TRIM42: variants seen among roughly 807,000 people sequenced by gnomAD.
TRIM42 encodes tripartite motif-containing protein 42.
A neutral mutation model predicts 64.9 loss-of-function variants in TRIM42; 59 were observed. The ratio of observed to expected loss-of-function variants is 0.91; its 90% CI spans 0.74 to 1.13. TRIM42 has a LOEUF of 1.13. Among genes scored for constraint, TRIM42 ranks in the 50% most tolerant of loss-of-function variants. The probability of loss-of-function intolerance (pLI) is 0.00; values close to 1 mark genes in which losing one functional copy is unlikely to be tolerated. For missense variants in TRIM42, 878 were observed against 929.5 expected (o/e 0.94, Z 0.72); for synonymous variants, 354 against 346.3 (o/e 1.02, Z -0.25).
At chr3:140,686,181 C>G (rs1559936798) in intron 2 of TRIM42, among the ~76,000 whole-genome samples, 1 of 152,142 alleles carries the variant, frequency 6.6e-6, no homozygotes, top group Non-Finnish European at 1.5e-5. Context: ...AATTTCCTAT[C>G]CAAGTATCTT....
intron 2 of TRIM42, among the ~76,000 whole-genome samples, chr3:140,684,260 G>A (rs1001928772): frequency 6.6e-6 from 1 of 152,188 alleles, no homozygotes; most frequent in African/African-American, 2.4e-5. Flanking sequence ...TGACTCCAGT[G>A]CCTATCATTA....
chr3:140,700,744 C>T, intron 4 of TRIM42, 144 bp from the exon 5 acceptor site: 2 of 650,948 alleles, frequency 3.1e-6, no homozygotes, highest in Non-Finnish European at 5.3e-6. Flanking sequence ...TCAGCTTCTT[C>T]ATCTATAAAG....
At chr3:140,682,401 G>C in intron 1 of TRIM42, 61 bp from the exon 2 acceptor site, 1 of 1,515,038 alleles carries the variant, frequency 6.6e-7, no homozygotes, top group South Asian at 1.2e-5. Flanking sequence ...TTCAGAGGTA[G>C]AGAAGCAGAG....
rs1559935354 is a variant in TRIM42 at position 140,682,511 on chromosome 3, G to A, written c.391G>A (p.Val131Ile). 1.2e-6 allele frequency: 2 copies of A among 1,614,228 alleles called. No homozygotes were observed. The highest frequency in any genetic ancestry group is 1.7e-6 in the Non-Finnish European group (2 of 1,180,052). Residue 131 changes from valine (V) to isoleucine (I), a missense_variant, in exon 2 of 5, where the codon GTA (valine) becomes ATA (isoleucine). Physicochemically the swap from Val to Ile is conservative, Grantham distance 29. Coordinates refer to ENST00000286349, the MANE Select transcript of TRIM42 (RefSeq NM_152616.5). ...TGSSDTQVDE[V>I]KSIPANSHLV... ...GAGCAGCGATACCCAGGTGGATGAA[G>A]TAAAGTCAATACCAGCCAACAGTCA...
At position 140,694,897 on chromosome 3, in the gene TRIM42, G is replaced by T. The variant is rs539267185; in HGVS notation, c.2085+3705G>T. Among the ~76,000 whole-genome samples, 3 of 152,236 alleles carry T rather than the reference G, an allele frequency of 2.0e-5. No individual in the cohort carries two copies. The East Asian group carries it at 5.8e-4, about 29-fold the overall frequency. ...TCCACCTCCATCTTCCACCTTGAAG[G>T]TCCCTTGTGACTGCTTTGAGCCCAC... On this transcript the variant is annotated intron_variant, in intron 4 of 4. Transcript: ENST00000286349.
chr3:140,700,893 A>G lies in TRIM42; in HGVS notation c.2091A>G (p.Val697=). 1 of 1,614,102 alleles carries G rather than the reference A, an allele frequency of 6.2e-7. No individual in the cohort carries two copies. The highest frequency in any genetic ancestry group is 8.5e-7 in the Non-Finnish European group (1 of 1,179,940). ...CTCTTCGCTTCTGATTGCAGGTGGT[A>G]ACACCAGATGGACATGGGAAGAACC... ...PGQWSDICKV[V]TPDGHGKNRA... The change falls in exon 5 of 5, where the codon GTA becomes GTG. Residue 697 remains valine, a synonymous_variant. Transcript: ENST00000286349.
At position 140,678,121 on chromosome 3, in the gene TRIM42, C is replaced by G. The variant is rs547629001; in HGVS notation, c.-109C>G. 9.8e-7 allele frequency: 1 copy of G among 1,017,346 alleles called. No homozygotes were observed. The highest frequency in any genetic ancestry group is 1.6e-5 in the African/African-American group (1 of 62,382). The allele number at this position is 1,017,346 out of a possible 1,614,324, so 63.0% of individuals were successfully genotyped here. A position where few individuals can be genotyped will look rare whatever the true frequency, so the allele number is the denominator to read the frequency against. On this transcript the variant is annotated 5_prime_UTR_variant, in exon 1 of 5. Transcript: ENST00000286349. Reference sequence around the variant, plus strand: ...CAACTTCTTGCAACTTTCAAGCTGACGGCCTCAGGAATGGGAGGAAGGACT... The same window carrying G: ...CAACTTCTTGCAACTTTCAAGCTGAGGGCCTCAGGAATGGGAGGAAGGACT...
chr3:140,682,502 G>T lies in TRIM42; in HGVS notation c.382G>T (p.Val128Leu), dbSNP rs1238856266. Residue 128 changes from valine to leucine, a missense_variant, in exon 2 of 5, where the codon GTG becomes TTG. Transcript: ENST00000286349. The stretch of plus-strand genomic sequence containing the variant: ...GCGCACTGGGAGCAGCGATACCCAG[G>T]TGGATGAAGTAAAGTCAATACCAGC... ...ALRTGSSDTQVDEVKSIPANS... is the reference protein window; with the variant it reads ...ALRTGSSDTQLDEVKSIPANS... The T allele has an allele frequency of 1.9e-6, 3 of 1,614,062 alleles. No individual in the cohort carries two copies. In the South Asian group the frequency reaches 3.3e-5, roughly 18 times the overall value.
Position 140,688,528 on chromosome 3 carries a change from C to G in TRIM42, c.1846C>G (p.Pro616Ala), listed in dbSNP as rs772533551. 5.6e-6 allele frequency: 9 copies of G among 1,606,986 alleles called. No homozygotes were observed. The highest frequency in any genetic ancestry group is 3.4e-5 in the Admixed American group (2 of 59,350). Residue 616 changes from proline to alanine, a missense_variant, in exon 3 of 5, where the codon CCA (proline) becomes GCA (alanine). Transcript: ENST00000286349. Reference sequence around the variant, plus strand: ...TGTTATCTACCAGACTCTGGTGTACCCAAGAGCTGCCAAGGTAAGAAAGGT... The same window carrying G: ...TGTTATCTACCAGACTCTGGTGTACGCAAGAGCTGCCAAGGTAAGAAAGGT... ...PIVIYQTLVYPRAAKVYWTCP... is the reference protein window; with the variant it reads ...PIVIYQTLVYARAAKVYWTCP...
At chr3:140,690,720 C>T (rs989993814) in intron 3 of TRIM42, among the ~76,000 whole-genome samples, 2 of 151,704 alleles carry the variant, frequency 1.3e-5, no homozygotes, top group African/African-American at 4.9e-5. Context: ...CAATTGTCAC[C>T]TCCATGTCGA....
At chr3:140,681,011 T>C (rs968889933) in intron 1 of TRIM42, among the ~76,000 whole-genome samples, 5 of 152,218 alleles carry the variant, frequency 3.3e-5, no homozygotes, top group Non-Finnish European at 5.9e-5. Flanking sequence ...TAGCAGCAAA[T>C]TGTGTGCCTT....
chr3:140,691,991 C>T (rs1473242651), intron 4 of TRIM42, among the ~76,000 whole-genome samples: 1 of 151,946 alleles, frequency 6.6e-6, no homozygotes, highest in Non-Finnish European at 1.5e-5. Flanking sequence ...AAAAAAAAGT[C>T]CATTCATTTC....
intron 1 of TRIM42, chr3:140,680,782 A>G (rs1296865539): frequency 1.2e-6 from 1 of 808,168 alleles, no homozygotes; most frequent in Non-Finnish European, 1.5e-6. Context: ...AGGTGCCTTA[A>G]TATACACAGG....
chr3:140,678,610 T>C (rs1485126448), intron 1 of TRIM42, 40 bp downstream of exon 1: 2 of 1,550,594 alleles, frequency 1.3e-6, no homozygotes, highest in Non-Finnish European at 1.8e-6. Context: ...CATTGGGTCA[T>C]GAAAACTAGG....
Position 140,682,867 on chromosome 3 carries a change from G to T in TRIM42, c.747G>T (p.Lys249Asn). The T allele has an allele frequency of 1.2e-6, 2 of 1,614,196 alleles. No individual in the cohort carries two copies. The highest frequency in any genetic ancestry group is 1.7e-6 in the Non-Finnish European group (2 of 1,180,032). The part of the protein sequence containing the change: ...QVCRNKRIAY[K>N]RCITCRLNLC... ...GCCGCAACAAGCGCATCGCTTACAAGCGCTGCATCACCTGCCGCCTCAACC... is the reference window on the plus strand; with the variant it reads ...GCCGCAACAAGCGCATCGCTTACAATCGCTGCATCACCTGCCGCCTCAACC... Residue 249 changes from lysine (K) to asparagine (N), a missense_variant, in exon 2 of 5, where the codon AAG becomes AAT. By Grantham distance (94) the Lys-to-Asn change is moderately conservative. Transcript: ENST00000286349.
At chr3:140,697,799 T>C (rs1285936956) in intron 4 of TRIM42, among the ~76,000 whole-genome samples, 3 of 152,204 alleles carry the variant, frequency 2.0e-5, no homozygotes, top group African/African-American at 7.2e-5. Flanking sequence ...TTCTCCTGCC[T>C]CAGCCTCCCT....
chr3:140,698,360 CT>C (rs1988910904), intron 4 of TRIM42, among the ~76,000 whole-genome samples: 1 of 152,032 alleles, frequency 6.6e-6, no homozygotes, highest in African/African-American at 2.4e-5. Context: ...ATGTTCTTTA[CT>C]GGGGTGTTTA....
At chr3:140,694,721 A>T (rs1315734930) in intron 4 of TRIM42, among the ~76,000 whole-genome samples, 2 of 152,190 alleles carry the variant, frequency 1.3e-5, no homozygotes, top group Non-Finnish European at 2.9e-5. Flanking sequence ...GCCATATTGC[A>T]TTCCTTCTGA....
chr3:140,690,555 A>G lies in TRIM42; in HGVS notation c.1861-413A>G, dbSNP rs1202891760. On this transcript the variant is annotated intron_variant, in intron 3 of 4. Coordinates refer to ENST00000286349, the MANE Select transcript of TRIM42 (RefSeq NM_152616.5). Reference sequence around the variant, plus strand: ...TGTATATATATATATATATATATATATATATATATATATATATATATATAT... The same window carrying G: ...TGTATATATATATATATATATATATGTATATATATATATATATATATATAT... Among the ~76,000 whole-genome samples the G allele has an allele frequency of 7.0e-4, 31 of 44,504 alleles. 1 individual carries two copies. The highest frequency in any genetic ancestry group is 1.2e-3 in the African/African-American group (29 of 24,536). The allele number at this position is 44,504 out of a possible 152,430, so 29.2% of individuals were successfully genotyped here.
Sources: gnomAD v4.1 joint callset for allele counts (sites outside exome capture counted in the v4.1 genomes callset) on GRCh38, gnomAD v4.1.1 for gene constraint, MANE v1.5 for transcripts, NCBI Gene and HGNC (gene_info 2026-07-23, HGNC 2026-07-21) for gene names.